ENPP3: variants seen among roughly 807,000 people sequenced by gnomAD.
ENPP3 encodes ectonucleotide pyrophosphatase/phosphodiesterase family member 3.
ENPP3 carries 104 observed loss-of-function variants against 117.8 expected under a neutral mutation model. The ratio of observed to expected loss-of-function variants is 0.88; its 90% CI spans 0.75 to 1.04. The LOEUF is 1.04. Ranked by LOEUF, ENPP3 falls within the 50% of genes least tolerant of loss-of-function variation. The pLI is 0.00. For missense variants in ENPP3, 1,026 were observed against 1,051.9 expected (o/e 0.98, Z 0.34); for synonymous variants, 380 against 349.9 (o/e 1.09, Z -0.96).
chr6:131,690,121 C>A (rs1222283401), intron 14 of ENPP3, among the ~76,000 whole-genome samples: 1 of 152,154 alleles, frequency 6.6e-6, no homozygotes, highest in Non-Finnish European at 1.5e-5. Flanking sequence ...GAAAAGACAA[C>A]AAAGGATTTA....
intron 18 of ENPP3, among the ~76,000 whole-genome samples, chr6:131,722,785 G>A (rs995290069): frequency 6.6e-6 from 1 of 152,186 alleles, no homozygotes; most frequent in Non-Finnish European, 1.5e-5. Flanking sequence ...AACTAGGAGG[G>A]TGTAGGGATT....
chr6:131,652,427 T>C, intron 3 of ENPP3, 115 bp from the exon 4 acceptor site: 1 of 1,110,016 alleles, frequency 9.0e-7, no homozygotes, highest in East Asian at 2.6e-5. Flanking sequence ...CATTTATTAA[T>C]ACAGATAAAC....
At chr6:131,740,148 CTATG>C in intron 23 of ENPP3, 72 bp from the exon 24 acceptor site, 1 of 1,123,418 alleles carries the variant, frequency 8.9e-7, no homozygotes, top group Non-Finnish European at 1.2e-6. Context: ...ATGAAAAAAA[CTATG>C]TAAACACACT....
intron 7 of ENPP3, among the ~76,000 whole-genome samples, chr6:131,671,569 A>G (rs1481821234): frequency 6.6e-6 from 1 of 152,134 alleles, no homozygotes; most frequent in Admixed American, 6.6e-5. Flanking sequence ...CGAGCCAAAA[A>G]CAGACCCTTT....
At chr6:131,738,751 G>C (rs1190062830) in intron 23 of ENPP3, among the ~76,000 whole-genome samples, 1 of 152,142 alleles carries the variant, frequency 6.6e-6, no homozygotes, top group Non-Finnish European at 1.5e-5. Flanking sequence ...TTTTAGAGAA[G>C]TTTCATCTAC....
At position 131,668,283 on chromosome 6, in the gene ENPP3, G is replaced by A. The variant is rs796956957; in HGVS notation, c.563-2965G>A. On this transcript the variant is annotated intron_variant, in intron 6 of 24. Coordinates refer to ENST00000357639, the MANE Select transcript of ENPP3 (RefSeq NM_005021.5). ...GCTGGAGCACAGTGGCACGATCTCA[G>A]CTCACTGTAACCTCCGCTTCTCGGG... 3.0e-5 allele frequency among the ~76,000 whole-genome samples: 4 copies of A among 134,262 alleles called. No individual in the cohort carries two copies. In the South Asian group the frequency reaches 1.0e-3, roughly 33 times the overall value. The allele number at this position is 134,262 out of a possible 152,430, so 88.1% of individuals were successfully genotyped here. A position where few individuals can be genotyped will look rare whatever the true frequency, so the allele number is the denominator to read the frequency against.
At chr6:131,689,609 A>C (rs950689661) in intron 14 of ENPP3, among the ~76,000 whole-genome samples, 5 of 152,230 alleles carry the variant, frequency 3.3e-5, no homozygotes, top group Non-Finnish European at 7.3e-5. Context: ...GAAGATGTAC[A>C]AGGAGATGGA....
chr6:131,680,521 G>A (rs1779001536), intron 11 of ENPP3, among the ~76,000 whole-genome samples: 1 of 152,118 alleles, frequency 6.6e-6, no homozygotes, highest in Admixed American at 6.5e-5. Context: ...AAGTGGAGAT[G>A]GCCTAAGGAG....
chr6:131,701,894 A>AAAAAAG (rs1779543571), intron 15 of ENPP3, among the ~76,000 whole-genome samples: 1 of 118,990 alleles, frequency 8.4e-6, no homozygotes, highest in African/African-American at 2.8e-5. Context: ...GAAAAAAAAA[A>AAAAAAG]AAAAGAAAAG....
At chr6:131,645,931 G>A (rs967834710) in intron 2 of ENPP3, among the ~76,000 whole-genome samples, 2 of 151,962 alleles carry the variant, frequency 1.3e-5, no homozygotes, top group Non-Finnish European at 2.9e-5. Flanking sequence ...TCAATTCTGG[G>A]AAATTTTATA....
intron 14 of ENPP3, among the ~76,000 whole-genome samples, chr6:131,686,644 T>C (rs1285092588): frequency 6.6e-6 from 1 of 152,156 alleles, no homozygotes; most frequent in African/African-American, 2.4e-5. Context: ...ACCCAATAAG[T>C]AGTTTTTTAA....
intron 3 of ENPP3, among the ~76,000 whole-genome samples, chr6:131,650,874 A>C (rs1464514979): frequency 6.6e-6 from 1 of 152,086 alleles, no homozygotes; most frequent in Non-Finnish European, 1.5e-5. Context: ...CCAGTCATAC[A>C]GGATTAAGGT....
chr6:131,639,226 C>A (rs1033023203), intron 1 of ENPP3, among the ~76,000 whole-genome samples: 17 of 147,404 alleles, frequency 1.2e-4, no homozygotes, highest in Admixed American at 1.0e-3. Context: ...TTTCAGAGTG[C>A]TCTTTATAGC....
At chr6:131,737,128 G>T (rs924446379) in intron 21 of ENPP3, among the ~76,000 whole-genome samples, 12 of 152,142 alleles carry the variant, frequency 7.9e-5, no homozygotes, top group Non-Finnish European at 1.8e-4. Flanking sequence ...TATATTCACA[G>T]GGATGAAAGG....
At chr6:131,743,760 A>T (rs1780577372) in intron 24 of ENPP3, among the ~76,000 whole-genome samples, 1 of 152,024 alleles carries the variant, frequency 6.6e-6, no homozygotes, top group Non-Finnish European at 1.5e-5. Context: ...GGGAAGTAGA[A>T]GTTGCAGTGA....
chr6:131,651,055 G>A (rs1164450526), intron 3 of ENPP3, among the ~76,000 whole-genome samples: 1 of 152,108 alleles, frequency 6.6e-6, no homozygotes, highest in East Asian at 1.9e-4. Context: ...AAGTAGCTGG[G>A]ACTACAGGAG....
chr6:131,726,080 G>A lies in ENPP3; in HGVS notation c.1833G>A (p.Gly611=), dbSNP rs374801130. ...CAGTGAAAGTAAATTTGCCATTTGG[G>A]AGGCCTAGGGTACTGCAGAAGAACG... The part of the protein sequence containing the change: ...TATVKVNLPF[G]RPRVLQKNVD... The change falls in exon 20 of 25, where the codon GGG becomes GGA. Residue 611 remains glycine, a synonymous_variant. Coordinates refer to ENST00000357639, the MANE Select transcript of ENPP3 (RefSeq NM_005021.5). The A allele has an allele frequency of 5.6e-6, 9 of 1,611,388 alleles. No individual in the cohort carries two copies. Among genetic ancestry groups the A allele is most frequent in the Admixed American group, 3.3e-5 (2 of 59,766 alleles).
intron 2 of ENPP3, among the ~76,000 whole-genome samples, chr6:131,646,440 G>T (rs1778154823): frequency 6.6e-6 from 1 of 151,990 alleles, no homozygotes; most frequent in Admixed American, 6.6e-5. Context: ...GGGACCATCT[G>T]TTCATTTTCA....
chr6:131,674,508 C>G lies in ENPP3; in HGVS notation c.762+227C>G. The G allele has an allele frequency of 9.2e-6, 5 of 545,760 alleles. 1 individual carries two copies. The South Asian group carries it at 1.1e-4, about 12-fold the overall frequency. 33.8% of individuals were successfully genotyped at this position (545,760 alleles called of 1,614,324 possible). A position where few individuals can be genotyped will look rare whatever the true frequency, so the allele number is the denominator to read the frequency against. On this transcript the variant is annotated intron_variant, in intron 8 of 24. Coordinates refer to ENST00000357639, the MANE Select transcript of ENPP3 (RefSeq NM_005021.5). The stretch of plus-strand genomic sequence containing the variant: ...CTTGGATATTGGGTTATAAATGTAT[C>G]CATCTGGAAGTTACTCAGAAAGATT...
Sources: gnomAD v4.1 joint callset for allele counts (sites outside exome capture counted in the v4.1 genomes callset) on GRCh38, gnomAD v4.1.1 for gene constraint, MANE v1.5 for transcripts, NCBI Gene and HGNC (gene_info 2026-07-23, HGNC 2026-07-21) for gene names.